The following CCDC171 variants were observed in gnomAD, a reference collection of about 807,000 sequenced individuals.
CCDC171 encodes coiled-coil domain containing 171.
Under a neutral mutation model 168.2 loss-of-function variants are expected in CCDC171, and 177 were observed. That is an observed-to-expected ratio of 1.05 (90% CI 0.93 to 1.19). The LOEUF is 1.19. CCDC171 is among the 50% of genes most tolerant of loss of function. The probability of loss-of-function intolerance (pLI) is 0.00; values close to 1 mark genes in which losing one functional copy is unlikely to be tolerated. For missense variants in CCDC171, 1,991 were observed against 1,539.0 expected (o/e 1.29, Z -4.91); for synonymous variants, 687 against 540.8 (o/e 1.27, Z -3.75).
At chr9:16,074,381 G>T in the CCDC171 span, among the ~76,000 whole-genome samples, 1 of 152,132 alleles carries the variant, frequency 6.6e-6, no homozygotes, top group Non-Finnish European at 1.5e-5. Flanking sequence ...TGTACATTCT[G>T]CCATGTTGAA....
intron 18 of CCDC171, among the ~76,000 whole-genome samples, chr9:15,771,530 T>C (rs1564376480): frequency 6.6e-6 from 1 of 152,136 alleles, no homozygotes; most frequent in South Asian, 2.1e-4. Flanking sequence ...TTGTGTCTTA[T>C]GGAATTATAA....
chr9:15,779,899 G>A (rs184581279), intron 20 of CCDC171, among the ~76,000 whole-genome samples: 2 of 152,306 alleles, frequency 1.3e-5, no homozygotes, highest in East Asian at 3.9e-4. Context: ...TCTGTTTGCA[G>A]TTGGGATAGT....
At chr9:15,604,437 G>C (rs183105859) in intron 6 of CCDC171, among the ~76,000 whole-genome samples, 5 of 152,188 alleles carry the variant, frequency 3.3e-5, no homozygotes, top group Admixed American at 1.3e-4. Context: ...TTATCAGTGG[G>C]ATTGAAAACA....
chr9:15,664,392 A>G lies in CCDC171; in HGVS notation c.916-1771A>G, dbSNP rs139688482. On this transcript the variant is annotated intron_variant, in intron 8 of 25. Transcript: ENST00000380701. Reference sequence around the variant, plus strand: ...GTCCCCCAAGTAGCCGGCATTACAAACGCGTGACACCACGCCCAGCTGATT... The same window carrying G: ...GTCCCCCAAGTAGCCGGCATTACAAGCGCGTGACACCACGCCCAGCTGATT... Among the ~76,000 whole-genome samples, 478 of 151,956 alleles carry G rather than the reference A, an allele frequency of 3.1e-3. 2 individuals carry two copies. Among genetic ancestry groups the G allele is most frequent in the Non-Finnish European group, 5.7e-3 (389 of 67,946 alleles).
chr9:15,779,021 T>C lies in CCDC171; in HGVS notation c.2952T>C (p.His984=), dbSNP rs750850931. Residue 984 remains histidine, a synonymous_variant, in exon 20 of 26, where the codon CAT becomes CAC. Transcript: ENST00000380701. ...KQILGFTQRL[H]AAEVERRSLR... ...TACTTGGATTTACACAAAGACTGCA[T>C]GCTGCAGAAGTGGAGCGCCGCTCAC... 6.3e-7 allele frequency: 1 copy of C among 1,590,808 alleles called. No individual in the cohort carries two copies. The highest frequency in any genetic ancestry group is 1.2e-5 in the South Asian group (1 of 84,580).
chr9:16,073,186 G>A, the CCDC171 span, among the ~76,000 whole-genome samples: 6 of 152,310 alleles, frequency 3.9e-5, no homozygotes, highest in East Asian at 1.9e-4. Context: ...TGGAGTCAGC[G>A]GATGAGTAGG....
rs77633289 is a variant in CCDC171 at position 15,696,482 on chromosome 9, A to G, written c.1318+1145A>G. On this transcript the variant is annotated intron_variant, in intron 11 of 25. Transcript: ENST00000380701. ...TTATCATGGACAAATCAAAAGATAT[A>G]AAAGTGTCATAAAAGTAGGTGCAGG... is the stretch of plus-strand genomic sequence containing the variant. Among the ~76,000 whole-genome samples, 1,317 of 152,332 alleles carry G rather than the reference A, an allele frequency of 8.6e-3. 22 individuals carry two copies. The highest frequency in any genetic ancestry group is 0.03 in the African/African-American group (1,250 of 41,566).
chr9:16,030,305 G>A (rs527818105), intron 6 of CCDC171, among the ~76,000 whole-genome samples: 19 of 151,986 alleles, frequency 1.3e-4, no homozygotes, highest in East Asian at 3.9e-4. Flanking sequence ...TTATTTTCCC[G>A]TTCATTATAC....
At chr9:16,033,207 A>G (rs1833395136) in intron 6 of CCDC171, among the ~76,000 whole-genome samples, 1 of 152,194 alleles carries the variant, frequency 6.6e-6, no homozygotes, top group South Asian at 2.1e-4. Flanking sequence ...CGTGTCTGAT[A>G]TTGCTGCTTT....
At chr9:15,713,645 A>G (rs997720176) in intron 11 of CCDC171, among the ~76,000 whole-genome samples, 3 of 152,082 alleles carry the variant, frequency 2.0e-5, no homozygotes, top group African/African-American at 7.2e-5. Flanking sequence ...CAAAAGGAGA[A>G]TAGTTATCTG....
At chr9:15,624,522 C>G (rs1388646322) in intron 7 of CCDC171, among the ~76,000 whole-genome samples, 1 of 151,956 alleles carries the variant, frequency 6.6e-6, no homozygotes, top group East Asian at 1.9e-4. Context: ...TCCAAGTGTT[C>G]TCATTGTTCA....
chr9:15,895,052 A>C (rs771832057), intron 24 of CCDC171, among the ~76,000 whole-genome samples: 4 of 152,112 alleles, frequency 2.6e-5, no homozygotes, highest in Non-Finnish European at 5.9e-5. Context: ...AAAAAGTAGG[A>C]GGTTTGAAAT....
chr9:16,036,376 G>A (rs902516105), intron 8 of CCDC171, among the ~76,000 whole-genome samples: 1 of 152,252 alleles, frequency 6.6e-6, no homozygotes, highest in African/African-American at 2.4e-5. Context: ...CGGGCACGGT[G>A]GCTCACGCCT....
intron 18 of CCDC171, among the ~76,000 whole-genome samples, chr9:15,756,726 A>G (rs2056141533): frequency 6.6e-6 from 1 of 152,148 alleles, no homozygotes; most frequent in Non-Finnish European, 1.5e-5. Flanking sequence ...CCTGAACTGT[A>G]CTCCCATAAT....
At chr9:15,824,251 T>C (rs146911000) in intron 21 of CCDC171, among the ~76,000 whole-genome samples, 206 of 152,206 alleles carry the variant, frequency 1.4e-3, no homozygotes, top group African/African-American at 4.8e-3. Flanking sequence ...AAATAAATTA[T>C]GTATTTCACA....
At chr9:16,023,677 T>C (rs371015636) in intron 6 of CCDC171, among the ~76,000 whole-genome samples, 64 of 152,352 alleles carry the variant, frequency 4.2e-4, no homozygotes, top group African/African-American at 1.3e-3. Flanking sequence ...GGTGGGTTCA[T>C]TGGGCATTAC....
chr9:15,906,639 T>G (rs544731097), intron 24 of CCDC171, among the ~76,000 whole-genome samples: 1 of 152,120 alleles, frequency 6.6e-6, no homozygotes, highest in South Asian at 2.1e-4. Flanking sequence ...CTCTCACCAC[T>G]CCTATTCAAC....
At chr9:15,729,097 G>A (rs1439520660) in intron 15 of CCDC171, among the ~76,000 whole-genome samples, 2 of 151,834 alleles carry the variant, frequency 1.3e-5, no homozygotes, top group South Asian at 2.1e-4. Flanking sequence ...CCTATGAGAT[G>A]GTATTATATT....
intron 23 of CCDC171, among the ~76,000 whole-genome samples, chr9:15,850,792 C>T (rs1361607): frequency 0.79 from 119,795 of 151,734 alleles, 47,910 homozygotes; most frequent in East Asian, 0.89. Flanking sequence ...CCTTGGACTT[C>T]CCATTGGCAT....
Sources: gnomAD v4.1 joint callset for allele counts (sites outside exome capture counted in the v4.1 genomes callset) on GRCh38, gnomAD v4.1.1 for gene constraint, MANE v1.5 for transcripts, NCBI Gene and HGNC (gene_info 2026-07-23, HGNC 2026-07-21) for gene names.